DUS1L: variants seen among roughly 807,000 people sequenced by gnomAD.
DUS1L encodes dihydrouridine synthase 1 like.
DUS1L carries 56 observed loss-of-function variants against 61.2 expected under a neutral mutation model. That is an observed-to-expected ratio of 0.92 (90% CI 0.74 to 1.14). The LOEUF (loss-of-function observed/expected upper bound fraction) is 1.14. Among genes scored for constraint, DUS1L ranks in the 50% most tolerant of loss-of-function variants. The pLI is 0.00. For synonymous variants in DUS1L, 278 were observed against 259.5 expected (o/e 1.07, Z -0.69); for missense variants, 630 against 632.4 (o/e 1.00, Z 0.04).
chr17:82,061,458 G>T, intron 7 of DUS1L, 105 bp from the exon 8 acceptor site: 2 of 1,486,908 alleles, frequency 1.3e-6, no homozygotes, highest in South Asian at 1.3e-5. Flanking sequence ...CCTCACAAGG[G>T]ACAAGGCCAG....
chr17:82,065,472 T>G, intron 1 of DUS1L, 141 bp downstream of exon 1: 6 of 168,946 alleles, frequency 3.6e-5, no homozygotes, highest in South Asian at 1.9e-4. Flanking sequence ...AGGGCAGAGC[T>G]TCCTTCTCCG....
In DUS1L at chr17:82,062,918, G is replaced by A. The variant is rs1483033501; in HGVS notation, c.453C>T (p.Phe151=). 1.2e-6 allele frequency: 2 copies of A among 1,613,124 alleles called. No homozygotes were observed. Among genetic ancestry groups the A allele is most frequent in the African/African-American group, 1.3e-5 (1 of 75,076 alleles). ...ACCTCACGGTCTTGTCAATCTCCGG[G>A]AAGACACGGATTTTGCACGTGACAG... ...SVPVTCKIRV[F]PEIDKTVRYA... is the part of the protein sequence containing the mutation. Residue 151 remains phenylalanine, a synonymous_variant, in exon 5 of 14, where the codon TTC becomes TTT. Transcript: ENST00000306796.
At chr17:82,062,016 A>AAGCCCCTTCCGCCCCTCAG in intron 5 of DUS1L, 33 bp from the exon 6 acceptor site, 9 of 1,541,080 alleles carry the variant, frequency 5.8e-6, no homozygotes, top group South Asian at 1.2e-5. Context: ...TGACCCCTCC[A>AAGCCCCTTCCGCCCCTCAG]AGCCCCTTCC....
chr17:82,057,511 C>G lies in DUS1L; in HGVS notation c.*604G>C, dbSNP rs2033089114. 2.8e-6 allele frequency: 1 copy of G among 360,356 alleles called. No homozygotes were observed. The highest frequency in any genetic ancestry group is 5.4e-6 in the Non-Finnish European group (1 of 184,350). 22.3% of individuals were successfully genotyped at this position (360,356 alleles called of 1,614,324 possible). On this transcript the variant is annotated 3_prime_UTR_variant, in exon 14 of 14. Transcript: ENST00000306796. ...TTCCTGCCGTGCAGGCTCTGGTCAC[C>G]CCTGGGTGGCCTTGGGTTCCTGAGG...
Position 82,057,637 on chromosome 17 carries a change from C to T in DUS1L, c.*478G>A, listed in dbSNP as rs1266597663. 2.0e-5 allele frequency: 5 copies of T among 250,262 alleles called. No homozygotes were observed. Among genetic ancestry groups the T allele is most frequent in the African/African-American group, 6.8e-5 (3 of 43,858 alleles). 15.5% of individuals were successfully genotyped at this position (250,262 alleles called of 1,614,324 possible). The stretch of plus-strand genomic sequence containing the variant: ...CCCCCAGCAGCAGCCACTGTGGCCT[C>T]GCAGGCGGTGCTTCCAAGGCTGTGA... On this transcript the variant is annotated 3_prime_UTR_variant, in exon 14 of 14. Coordinates refer to ENST00000306796, the MANE Select transcript of DUS1L (RefSeq NM_022156.5).
chr17:82,059,592 G>T, intron 11 of DUS1L: 1 of 277,638 alleles, frequency 3.6e-6, no homozygotes, highest in South Asian at 7.4e-5. Flanking sequence ...CACTCCCGGG[G>T]ACCCCAGCCT....
At chr17:82,059,871 G>A in intron 11 of DUS1L, 77 bp downstream of exon 11, 2 of 1,581,974 alleles carry the variant, frequency 1.3e-6, no homozygotes, top group Non-Finnish European at 1.7e-6. Context: ...ACAAGTCTGG[G>A]TTCCTGTTAC....
At chr17:82,058,938 G>T (rs928459164) in intron 11 of DUS1L, 120 bp from the exon 12 acceptor site, 1 of 952,528 alleles carries the variant, frequency 1.0e-6, no homozygotes, top group Non-Finnish European at 1.7e-6. Flanking sequence ...GGCCAGCCAG[G>T]CCAGGAGGCT....
chr17:82,061,639 C>A lies in DUS1L; in HGVS notation c.676G>T (p.Val226Leu). The A allele has an allele frequency of 6.2e-7, 1 of 1,612,434 alleles. No individual in the cohort carries two copies. The highest frequency in any genetic ancestry group is 8.5e-7 in the Non-Finnish European group (1 of 1,179,840). Residue 226 changes from valine to leucine, a missense_variant, in exon 7 of 14, where the codon GTG (valine) becomes TTG (leucine). Transcript: ENST00000306796. Reference sequence around the variant, plus strand: ...CCACCTGCGCTCATGACGCCCTGCACACCCGTGTCCCGGAGGCAGCGCTCC... The same window carrying A: ...CCACCTGCGCTCATGACGCCCTGCAAACCCGTGTCCCGGAGGCAGCGCTCC... ...DVERCLRDTG[V>L]QGVMSAEGNL... is the part of the protein sequence containing the mutation.
At chr17:82,059,379 T>C (rs947128706) in intron 11 of DUS1L, 1 of 167,690 alleles carries the variant, frequency 6.0e-6, no homozygotes, top group African/African-American at 2.4e-5. Context: ...GGGTTATCGC[T>C]GGTCTCCCCT....
At position 82,060,234 on chromosome 17, in the gene DUS1L, G is replaced by A. The variant is rs540081515; in HGVS notation, c.1023-141C>T. On this transcript the variant is annotated intron_variant, in intron 10 of 13. Transcript: ENST00000306796. ...TGTGAGGAGTGCCCTCCTTTCCCTCGGGCAGCCCATTCAGGACTCGTCACT... is the reference window on the plus strand; with the variant it reads ...TGTGAGGAGTGCCCTCCTTTCCCTCAGGCAGCCCATTCAGGACTCGTCACT... 2,056 of 1,159,804 alleles carry A rather than the reference G, an allele frequency of 1.8e-3. 4 individuals carry two copies. Among genetic ancestry groups the A allele is most frequent in the Non-Finnish European group, 2.2e-3 (1,881 of 847,788 alleles). The allele number at this position is 1,159,804 out of a possible 1,614,324, so 71.8% of individuals were successfully genotyped here. A position where few individuals can be genotyped will look rare whatever the true frequency, so the allele number is the denominator to read the frequency against.
Position 82,062,852 on chromosome 17 carries a change from A to G in DUS1L, c.510+9T>C, listed in dbSNP as rs1204249787. On this transcript the variant is annotated intron_variant, in intron 5 of 13. Coordinates refer to ENST00000306796, the MANE Select transcript of DUS1L (RefSeq NM_022156.5). ...AGGCCCATGACACCCCCGCGAGCCC[A>G]GGGCTCACCTGGCAGCCGGCCTTCT... is the stretch of plus-strand genomic sequence containing the variant. 1.1e-5 allele frequency: 18 copies of G among 1,610,108 alleles called. No individual in the cohort carries two copies. The highest frequency in any genetic ancestry group is 1.5e-5 in the Non-Finnish European group (18 of 1,178,044).
At chr17:82,062,530 T>C (rs1174327052) in intron 5 of DUS1L, among the ~76,000 whole-genome samples, 1 of 152,228 alleles carries the variant, frequency 6.6e-6, no homozygotes, top group Non-Finnish European at 1.5e-5. Flanking sequence ...GACAGCCTGG[T>C]GGCCCCTTCC....
intron 1 of DUS1L, 171 bp from the exon 2 acceptor site, chr17:82,065,240 C>G: frequency 1.7e-6 from 1 of 586,322 alleles, no homozygotes; most frequent in South Asian, 2.3e-5. Context: ...ACTCCAGTGC[C>G]GCCACCTCCT....
Position 82,062,334 on chromosome 17 carries a change from C to A in DUS1L, c.511-351G>T, listed in dbSNP as rs1461283744. On this transcript the variant is annotated intron_variant, in intron 5 of 13. Transcript: ENST00000306796. ...GGACTGACTCCAGGCTAGTGGGGCA[C>A]TGGGGGGGAAAGTGGGTCCTGGGCC... Among the ~76,000 whole-genome samples, 3 of 152,202 alleles carry A rather than the reference C, an allele frequency of 2.0e-5. No individual in the cohort carries two copies. The East Asian group carries it at 5.8e-4, about 29-fold the overall frequency.
At chr17:82,062,046 G>A (rs1035919507) in intron 5 of DUS1L, 63 bp from the exon 6 acceptor site, 94 of 1,057,488 alleles carry the variant, frequency 8.9e-5, no homozygotes, top group Admixed American at 4.1e-4. Flanking sequence ...AGCCCCCTCC[G>A]CCCCTCCACG....
chr17:82,060,808 A>T (rs780510461), intron 9 of DUS1L, 25 bp from the exon 10 acceptor site: 6 of 1,611,602 alleles, frequency 3.7e-6, no homozygotes, highest in Non-Finnish European at 5.1e-6. Flanking sequence ...GGCCCTGGTC[A>T]TGGCCCCAGC....
At chr17:82,062,675 T>G (rs975344841) in intron 5 of DUS1L, among the ~76,000 whole-genome samples, 186 bp downstream of exon 5, 12 of 152,226 alleles carry the variant, frequency 7.9e-5, no homozygotes, top group Admixed American at 3.3e-4. Flanking sequence ...GAAAGCAGTT[T>G]CTGTTGTAGA....
At chr17:82,060,175 T>C (rs2033410100) in intron 10 of DUS1L, 82 bp from the exon 11 acceptor site, 1 of 1,523,122 alleles carries the variant, frequency 6.6e-7, no homozygotes, top group African/African-American at 1.4e-5. Flanking sequence ...TGAGTCTGGG[T>C]GAGGGGCCAG....
Sources: allele counts gnomAD v4.1 joint callset (sites outside exome capture counted in the v4.1 genomes callset), GRCh38; gene constraint gnomAD v4.1.1; transcripts MANE v1.5; gene names NCBI Gene and HGNC (gene_info 2026-07-23, HGNC 2026-07-21).